Variants in UBR2 observed in about 807,000 individuals in gnomAD.
The protein encoded by UBR2 is E3 ubiquitin-protein ligase UBR2.
UBR2 carries 92 observed loss-of-function variants against 247.9 expected under a neutral mutation model. The ratio of observed to expected loss-of-function variants is 0.37; its 90% CI spans 0.31 to 0.44. The LOEUF is 0.44. Among genes scored for constraint, UBR2 ranks in the 20% least tolerant of loss-of-function variants. The pLI, the probability that UBR2 is intolerant of heterozygous loss-of-function variation, is 1.00. For missense variants in UBR2, 1,613 were observed against 2,112.6 expected, an observed-to-expected ratio of 0.76 and a Z score of 4.64; for synonymous variants, 672 against 693.5, an observed-to-expected ratio of 0.97 and a Z score of 0.49.
intron 42 of UBR2, among the ~76,000 whole-genome samples, chr6:42,680,792 G>A (rs1798994765): frequency 6.6e-6 from 1 of 152,136 alleles, no homozygotes; most frequent in African/African-American, 2.4e-5. Flanking sequence ...GAATAGGCCG[G>A]GCACAGTGGC....
chr6:42,668,180 G>C (rs1267794276), intron 34 of UBR2, among the ~76,000 whole-genome samples: 1 of 152,012 alleles, frequency 6.6e-6, no homozygotes, highest in East Asian at 1.9e-4. Context: ...CACTTCTCTT[G>C]GCCCTGCTCC....
chr6:42,574,696 C>CTTTTTTTTTTTTTTTTTTTTTTTTTT (rs11305288), intron 2 of UBR2, among the ~76,000 whole-genome samples: 1 of 135,946 alleles, frequency 7.4e-6, no homozygotes. Flanking sequence ...AGAAATTTTC[C>CTTTTTTTTTTTTTTTTTTTTTTTTTT]TTTTTTTTTT....
In UBR2 at chr6:42,573,947, C is replaced by T. The variant is rs574156822; in HGVS notation, c.292C>T (p.Leu98Phe). 6.2e-7 allele frequency: 1 copy of T among 1,611,960 alleles called. No homozygotes were observed. Among genetic ancestry groups the T allele is most frequent in the African/African-American group, 1.3e-5 (1 of 74,914 alleles). Residue 98 changes from leucine (L) to phenylalanine (F), a missense_variant, in exon 2 of 47, where the codon CTT (leucine) becomes TTT (phenylalanine). Leu to Phe is a conservative substitution (Grantham distance 22). Transcript: ENST00000372901. ...TGAGCAAGCAAACAAACCTTCTCAT[C>T]TTTGTGGTCGTGTTTTTAAAGTAGG... ...KLEQANKPSH[L>F]CGRVFKVGEP...
intron 15 of UBR2, among the ~76,000 whole-genome samples, chr6:42,638,373 AT>A (rs1455171796): frequency 6.6e-6 from 1 of 151,370 alleles, no homozygotes; most frequent in Non-Finnish European, 1.5e-5. Context: ...ATTTTTTTTC[AT>A]TGTTCTGAGA....
intron 29 of UBR2, 73 bp downstream of exon 29, chr6:42,658,897 C>T: frequency 1.4e-6 from 2 of 1,403,824 alleles, no homozygotes; most frequent in Admixed American, 2.7e-5. Context: ...GCGTTTTCTC[C>T]TTGTAAGTAT....
intron 1 of UBR2, among the ~76,000 whole-genome samples, chr6:42,571,286 C>A (rs989271473): frequency 6.8e-6 from 1 of 147,452 alleles, no homozygotes; most frequent in African/African-American, 2.5e-5. Flanking sequence ...CTAAAGTAAC[C>A]TTTCATTCTT....
chr6:42,570,500 T>C (rs1427489838), intron 1 of UBR2, among the ~76,000 whole-genome samples: 2 of 152,174 alleles, frequency 1.3e-5, no homozygotes, highest in African/African-American at 2.4e-5. Flanking sequence ...CCCAAAGTGC[T>C]GGGATTATAG....
Position 42,650,322 on chromosome 6 carries a change from A to T in UBR2, c.2501A>T (p.Lys834Ile), listed in dbSNP as rs191660936. ...ACAGGACGAGGCATGTATGAACTGA[A>T]ACCAGAATGTGCCAAAGAGTTCAAC... ...GLTGRGMYEL[K>I]PECAKEFNLY... The change falls in exon 23 of 47, where the codon AAA becomes ATA. Residue 834 changes from lysine to isoleucine, a missense_variant. Lys to Ile is a moderately radical substitution (Grantham distance 102). Coordinates refer to ENST00000372901, the MANE Select transcript of UBR2 (RefSeq NM_001363705.2). 46 of 1,614,106 alleles carry T rather than the reference A, an allele frequency of 2.8e-5. No homozygotes were observed. The African/African-American group carries it at 5.7e-4, about 20-fold the overall frequency.
At position 42,659,450 on chromosome 6, in the gene UBR2, A is replaced by G. The variant is rs1016754120; in HGVS notation, c.3243-206A>G. Among the ~76,000 whole-genome samples, 4 of 151,722 alleles carry G rather than the reference A, an allele frequency of 2.6e-5. No homozygotes were observed. The highest frequency in any genetic ancestry group is 7.3e-5 in the African/African-American group (3 of 41,290). On this transcript the variant is annotated intron_variant, in intron 29 of 46. Transcript: ENST00000372901. This position sits in a 1 kb window ranked among gnomAD's most constrained non-coding sequence, Gnocchi z 4.3. ...TGCGAGGCGGAGGTTGCAGTGAGCC[A>G]AGATTGTGCCACTCACCCCAGCCTG...
intron 22 of UBR2, 137 bp downstream of exon 22, chr6:42,648,307 C>T: frequency 1.4e-6 from 1 of 722,656 alleles, no homozygotes; most frequent in South Asian, 1.7e-5. Context: ...AATTATAGCT[C>T]TGAATTAGAT....
At chr6:42,649,296 A>G (rs548050648) in intron 22 of UBR2, among the ~76,000 whole-genome samples, 102 of 152,356 alleles carry the variant, frequency 6.7e-4, no homozygotes, top group Non-Finnish European at 1.1e-3. Flanking sequence ...GGCATGAGCT[A>G]TGGTGCCAGG....
At position 42,600,625 on chromosome 6, in the gene UBR2, CAAAAAAAAAAAAAA is replaced by C. The variant is rs71680032; in HGVS notation, c.532-2954_532-2941del. Among the ~76,000 whole-genome samples, 4 of 106,166 alleles carry C rather than the reference CAAAAAAAAAAAAAA, an allele frequency of 3.8e-5. No homozygotes were observed. The South Asian group carries it at 9.4e-4, about 25-fold the overall frequency. 69.6% of individuals were successfully genotyped at this position (106,166 alleles called of 152,430 possible). A position where few individuals can be genotyped will look rare whatever the true frequency, so the allele number is the denominator to read the frequency against. On this transcript the variant is annotated intron_variant, in intron 4 of 46. Transcript: ENST00000372901. ...CCTGCCTCAAACTGGGTTACTGTAGCAAAAAAAAAAAAAAAAAAAAAATTATCAGTTGGTGTTCC... is the reference window on the plus strand; with the variant it reads ...CCTGCCTCAAACTGGGTTACTGTAGCAAAAAAAATTATCAGTTGGTGTTCC...
chr6:42,646,818 T>C (rs199961474), intron 21 of UBR2, among the ~76,000 whole-genome samples: 1 of 148,820 alleles, frequency 6.7e-6, no homozygotes, highest in South Asian at 2.1e-4. Flanking sequence ...TATATATATA[T>C]ATAGAGAGAG....
At chr6:42,603,909 T>C (rs1008727714) in intron 5 of UBR2, among the ~76,000 whole-genome samples, 191 bp downstream of exon 5, 8 of 152,204 alleles carry the variant, frequency 5.3e-5, no homozygotes, top group Non-Finnish European at 7.3e-5. Context: ...GGTTGGTTGA[T>C]TAGTTGGTTT....
intron 2 of UBR2, among the ~76,000 whole-genome samples, chr6:42,581,637 T>A (rs1426737534): frequency 6.6e-6 from 1 of 152,198 alleles, no homozygotes; most frequent in African/African-American, 2.4e-5. Context: ...TGGTTCTAGA[T>A]CTTATAAAAA....
intron 30 of UBR2, among the ~76,000 whole-genome samples, chr6:42,660,999 A>T (rs1299523616): frequency 7.6e-6 from 1 of 131,734 alleles, no homozygotes. Flanking sequence ...TTGTTTTTAA[A>T]AAAAAAAAAA....
chr6:42,670,096 C>G lies in UBR2; in HGVS notation c.3886C>G (p.Pro1296Ala), dbSNP rs555549990. The G allele has an allele frequency of 6.0e-5, 97 of 1,613,920 alleles. No individual in the cohort carries two copies. The South Asian group carries it at 8.2e-4, about 14-fold the overall frequency. The change falls in exon 35 of 47, where the codon CCT (proline) becomes GCT (alanine). Residue 1296 changes from proline to alanine, a missense_variant. This residue lies in a region of UBR2 where 1,524 missense variants were observed against 1,967.3 expected (regional missense o/e 0.77). Transcript: ENST00000372901. The part of the protein sequence containing the change: ...GFRPDFRPKI[P>A]YSESIKEMLT... ...TTTTATACATGTTTACTTCAGGATC[C>G]CTTATTCTGAGAGCATAAAAGAAAT...
chr6:42,572,414 C>T (rs1005557327), intron 1 of UBR2, among the ~76,000 whole-genome samples: 3 of 150,718 alleles, frequency 2.0e-5, no homozygotes, highest in Middle Eastern at 3.5e-3. Flanking sequence ...AAAATGAAGA[C>T]CTTATGTTGA....
chr6:42,691,117 G>C lies in UBR2; in HGVS notation c.5212G>C (p.Gly1738Arg). The change falls in exon 47 of 47, where the codon GGA becomes CGA. Residue 1738 changes from glycine (G) to arginine (R), a missense_variant. Gly to Arg is a moderately radical substitution (Grantham distance 125). This residue lies in a region of UBR2 where 80 missense variants were observed against 108.6 expected (regional missense o/e 0.74). Transcript: ENST00000372901. ...CCAACACAGTGTCACAGAGGAAATT[G>C]GACATGCACAGGAAGCCAATCAGAC... is the stretch of plus-strand genomic sequence containing the variant. ...WHQHSVTEEI[G>R]HAQEANQTLV... 1 of 1,614,164 alleles carries C rather than the reference G, an allele frequency of 6.2e-7. No homozygotes were observed. Among genetic ancestry groups the C allele is most frequent in the Non-Finnish European group, 8.5e-7 (1 of 1,180,036 alleles).
Sources: gnomAD v4.1 joint callset for allele counts (sites outside exome capture counted in the v4.1 genomes callset) on GRCh38, gnomAD v4.1.1 for gene constraint, gnomAD v4.1.1 regional missense constraint, Gnocchi (gnomAD v3.1) non-coding constraint, MANE v1.5 for transcripts, NCBI Gene and HGNC (gene_info 2026-07-23, HGNC 2026-07-21) for gene names.